AFG2A: variants seen among roughly 807,000 people sequenced by gnomAD.
AFG2A encodes AAA ATPase AFG2A.
the AFG2A span, among the ~76,000 whole-genome samples, chr4:123,019,547 A>G: frequency 2.0e-5 from 3 of 152,172 alleles, no homozygotes; most frequent in Non-Finnish European, 2.9e-5. Flanking sequence ...TGCTATTCTC[A>G]TAATCAACAA....
the AFG2A span, among the ~76,000 whole-genome samples, chr4:123,169,977 T>C: frequency 6.6e-6 from 1 of 152,184 alleles, no homozygotes; most frequent in Non-Finnish European, 1.5e-5. Context: ...TATATAAGGA[T>C]ACAACTTGAG....
the AFG2A span, among the ~76,000 whole-genome samples, chr4:123,311,557 G>A: frequency 6.8e-6 from 1 of 147,978 alleles, no homozygotes; most frequent in African/African-American, 2.5e-5. Flanking sequence ...AACCCAGGAG[G>A]CGGAGGTTGC....
the AFG2A span, among the ~76,000 whole-genome samples, chr4:123,132,976 T>A: frequency 6.6e-6 from 1 of 152,022 alleles, no homozygotes; most frequent in African/African-American, 2.4e-5. Flanking sequence ...GAGACGGGGT[T>A]TCACCGTGTT....
At chr4:122,949,652 G>A in the AFG2A span, among the ~76,000 whole-genome samples, 3 of 152,146 alleles carry the variant, frequency 2.0e-5, no homozygotes, top group Non-Finnish European at 4.4e-5. Flanking sequence ...CAAGACATGG[G>A]GAGTTGTGTC....
chr4:123,134,359 G>C, the AFG2A span, among the ~76,000 whole-genome samples: 121 of 152,258 alleles, frequency 7.9e-4, no homozygotes, highest in Middle Eastern at 3.4e-3. Flanking sequence ...TGTAGAGACT[G>C]TCCTTTCCCC....
the AFG2A span, among the ~76,000 whole-genome samples, chr4:123,016,968 G>A: frequency 6.6e-6 from 1 of 152,150 alleles, no homozygotes; most frequent in Non-Finnish European, 1.5e-5. Context: ...AAAAAAATAC[G>A]AAAACCAGTC....
chr4:122,963,466 C>G, the AFG2A span, among the ~76,000 whole-genome samples: 35 of 152,294 alleles, frequency 2.3e-4, no homozygotes, highest in South Asian at 6.2e-3. Flanking sequence ...ATGTCAACCA[C>G]TGTTTGAAGC....
chr4:123,207,559 A>G, the AFG2A span, among the ~76,000 whole-genome samples: 1 of 152,058 alleles, frequency 6.6e-6, no homozygotes, highest in Non-Finnish European at 1.5e-5. Context: ...TCCTGGACTC[A>G]AGTGATCCTG....
the AFG2A span, among the ~76,000 whole-genome samples, chr4:123,220,859 T>C: frequency 6.6e-6 from 1 of 152,156 alleles, no homozygotes; most frequent in African/African-American, 2.4e-5. Flanking sequence ...GTCATAATAT[T>C]GTGTAAGATT....
the AFG2A span, among the ~76,000 whole-genome samples, chr4:123,019,139 G>A: frequency 7.9e-4 from 120 of 152,024 alleles, no homozygotes; most frequent in Admixed American, 4.3e-3. Flanking sequence ...TTTAACATAT[G>A]CTCTCCTGTT....
the AFG2A span, among the ~76,000 whole-genome samples, chr4:122,944,380 T>C: frequency 6.6e-6 from 1 of 152,194 alleles, no homozygotes; most frequent in Admixed American, 6.5e-5. Flanking sequence ...CTTCATTTCA[T>C]TCATGTCATC....
At chr4:123,316,044 G>A in the AFG2A span, 1 of 152,170 alleles carries the variant, frequency 6.6e-6, no homozygotes, top group Non-Finnish European at 1.5e-5. Flanking sequence ...CTTCCCAAAG[G>A]GCTGAGATTA....
the AFG2A span, among the ~76,000 whole-genome samples, chr4:123,231,533 C>T: frequency 2.5e-3 from 379 of 152,124 alleles, 2 homozygotes; most frequent in Middle Eastern, 0.014. Context: ...TCCATATCAT[C>T]AGTAAGACTG....
the AFG2A span, among the ~76,000 whole-genome samples, chr4:123,193,242 C>G: frequency 4.5e-4 from 68 of 152,260 alleles, no homozygotes; most frequent in African/African-American, 1.6e-3. Flanking sequence ...TGTTTATGCA[C>G]GTACACATTA....
the AFG2A span, among the ~76,000 whole-genome samples, chr4:123,048,669 A>G: frequency 1.3e-5 from 2 of 152,056 alleles, no homozygotes; most frequent in Non-Finnish European, 2.9e-5. Flanking sequence ...TCTTTTTCAA[A>G]TTAATTGCTA....
chr4:122,979,768 G>A, the AFG2A span, among the ~76,000 whole-genome samples: 1 of 152,148 alleles, frequency 6.6e-6, no homozygotes, highest in African/African-American at 2.4e-5. Context: ...GAGTGTGGTG[G>A]TGTACACCTG....
the AFG2A span, chr4:123,057,235 G>A: frequency 1.3e-5 from 21 of 1,613,656 alleles, no homozygotes; most frequent in South Asian, 1.2e-4. Context: ...GAGCAGTGGC[G>A]CCTTCCATTA....
the AFG2A span, among the ~76,000 whole-genome samples, chr4:123,184,073 G>A: frequency 6.6e-6 from 1 of 152,032 alleles, no homozygotes. Flanking sequence ...GGGGATTATA[G>A]GCGTGAGCCA....
chr4:123,276,966 T>C, the AFG2A span, among the ~76,000 whole-genome samples: 1 of 152,192 alleles, frequency 6.6e-6, no homozygotes. Context: ...CTATTTGGGC[T>C]CTTTTTTGGT....
Sources: gnomAD v4.1 joint callset for allele counts (sites outside exome capture counted in the v4.1 genomes callset) on GRCh38, gnomAD v4.1.1 for gene constraint, MANE v1.5 for transcripts, NCBI Gene and HGNC (gene_info 2026-07-23, HGNC 2026-07-21) for gene names.